Variants in TNNI3K observed in about 807,000 individuals in gnomAD.
TNNI3K encodes the protein serine/threonine-protein kinase TNNI3K.
TNNI3K carries 140 observed loss-of-function variants against 114.5 expected under a neutral mutation model. The ratio of observed to expected loss-of-function variants is 1.22; its 90% CI spans 1.07 to 1.41. TNNI3K has a LOEUF of 1.41. Among genes scored for constraint, TNNI3K ranks in the 40% most tolerant of loss-of-function variants. The probability of loss-of-function intolerance (pLI) is 0.00; values close to 1 mark genes in which losing one functional copy is unlikely to be tolerated. For missense variants in TNNI3K, 1,125 were observed against 1,007.6 expected, an observed-to-expected ratio of 1.12 and a Z score of -1.58; for synonymous variants, 347 against 347.5, an observed-to-expected ratio of 1.00 and a Z score of 0.02.
intron 5 of TNNI3K, among the ~76,000 whole-genome samples, chr1:74,323,194 A>G (rs1207470781): frequency 6.6e-6 from 1 of 152,164 alleles, no homozygotes; most frequent in Non-Finnish European, 1.5e-5. Flanking sequence ...TGTCTCCACA[A>G]TAGAACTTTC....
chr1:74,242,283 A>G (rs541909542), intron 2 of TNNI3K, among the ~76,000 whole-genome samples: 3 of 152,198 alleles, frequency 2.0e-5, no homozygotes, highest in Non-Finnish European at 4.4e-5. Context: ...TATGTACAAA[A>G]AAGTGGTCAA....
intron 17 of TNNI3K, 178 bp downstream of exon 17, chr1:74,370,570 A>G: frequency 2.3e-6 from 1 of 430,998 alleles, no homozygotes; most frequent in Non-Finnish European, 4.1e-6. Flanking sequence ...AGGAGTAGAA[A>G]GCTGTATAAC....
rs1570351199 is a variant in TNNI3K, at chr1:74,236,218, T to G, written c.149+8T>G. 6.3e-7 allele frequency: 1 copy of G among 1,597,162 alleles called. No individual in the cohort carries two copies. Among genetic ancestry groups the G allele is most frequent in the East Asian group, 2.3e-5 (1 of 44,330 alleles). On this transcript the variant is annotated splice_region_variant and intron_variant, in intron 2 of 24. Transcript: ENST00000326637. Reference sequence around the variant, plus strand: ...ACTAAGGAATATATTTGGGTAAAGTTGTAAGAGTCATTATTTCTTTGTATA... The same window carrying G: ...ACTAAGGAATATATTTGGGTAAAGTGGTAAGAGTCATTATTTCTTTGTATA...
At chr1:74,482,489 T>G (rs1314075893) in intron 21 of TNNI3K, among the ~76,000 whole-genome samples, 1 of 152,178 alleles carries the variant, frequency 6.6e-6, no homozygotes, top group Non-Finnish European at 1.5e-5. Context: ...GATATACACA[T>G]CAACTATCCA....
chr1:74,500,402 C>G (rs2100338119), intron 23 of TNNI3K, among the ~76,000 whole-genome samples: 1 of 151,464 alleles, frequency 6.6e-6, no homozygotes, highest in Non-Finnish European at 1.5e-5. Context: ...GAGATCGAGA[C>G]CATCCCGGCT....
At chr1:74,268,235 TA>T (rs1261424496) in intron 4 of TNNI3K, among the ~76,000 whole-genome samples, 3 of 151,980 alleles carry the variant, frequency 2.0e-5, no homozygotes, top group Admixed American at 6.6e-5. Flanking sequence ...AGACCTTCCC[TA>T]CTACTCTGCA....
At chr1:74,374,003 C>T (rs1296421005) in intron 17 of TNNI3K, 1 of 151,954 alleles carries the variant, frequency 6.6e-6, no homozygotes, top group African/African-American at 2.4e-5. Context: ...ATTTCCTATG[C>T]ACATCCTCTC....
intron 11 of TNNI3K, among the ~76,000 whole-genome samples, chr1:74,364,081 T>C (rs1051158186): frequency 1.5e-4 from 22 of 150,276 alleles, no homozygotes; most frequent in Middle Eastern, 3.4e-3. Flanking sequence ...CTCACTACAA[T>C]CTTAAACTCC....
intron 17 of TNNI3K, among the ~76,000 whole-genome samples, chr1:74,433,665 C>T (rs1167285685): frequency 6.6e-6 from 1 of 152,068 alleles, no homozygotes; most frequent in East Asian, 1.9e-4. Context: ...ACTGTCACTG[C>T]ATCCTTTGTT....
chr1:74,310,718 G>A (rs946352346), intron 5 of TNNI3K, among the ~76,000 whole-genome samples: 2 of 152,102 alleles, frequency 1.3e-5, no homozygotes, highest in African/African-American at 4.8e-5. Context: ...TGTCAGGTGG[G>A]TATTCCTCTT....
intron 17 of TNNI3K, among the ~76,000 whole-genome samples, chr1:74,384,318 A>G (rs1663364089): frequency 6.6e-6 from 1 of 152,130 alleles, no homozygotes; most frequent in Non-Finnish European, 1.5e-5. Flanking sequence ...GCCTGCCTAT[A>G]AAAAACAATG....
At chr1:74,489,319 A>C in intron 22 of TNNI3K, 71 bp downstream of exon 22, 1 of 1,508,624 alleles carries the variant, frequency 6.6e-7, no homozygotes, top group Non-Finnish European at 9.1e-7. Flanking sequence ...GGGAATGTAG[A>C]TGAGCTGGTG....
chr1:74,434,882 T>G (rs76752061), intron 17 of TNNI3K, among the ~76,000 whole-genome samples: 16,658 of 152,038 alleles, frequency 0.11, 1,494 homozygotes, highest in African/African-American at 0.24. Context: ...TTTTTATAAA[T>G]GTCAAGTCAA....
intron 20 of TNNI3K, among the ~76,000 whole-genome samples, chr1:74,451,633 T>C (rs1389396068): frequency 1.4e-5 from 2 of 144,756 alleles, no homozygotes; most frequent in African/African-American, 5.5e-5. Context: ...CTTCCTTTTC[T>C]TTTTCTTTCT....
rs983502598 is a variant in TNNI3K, at chr1:74,481,303, G to A, written c.2122-7886G>A. Among the ~76,000 whole-genome samples the A allele has an allele frequency of 2.0e-5, 3 of 152,176 alleles. No homozygotes were observed. In the South Asian group the frequency reaches 6.2e-4, roughly 32 times the overall value. On this transcript the variant is annotated intron_variant, in intron 21 of 24. Transcript: ENST00000326637. Reference sequence around the variant, plus strand: ...AGGTGTCTTTTCAGGCCCTCCCTCCGAGGCTATGTACTGACCTGATCTAGC... The same window carrying A: ...AGGTGTCTTTTCAGGCCCTCCCTCCAAGGCTATGTACTGACCTGATCTAGC...
At chr1:74,530,949 A>G (rs1646574883) in intron 23 of TNNI3K, among the ~76,000 whole-genome samples, 1 of 152,136 alleles carries the variant, frequency 6.6e-6, no homozygotes, top group African/African-American at 2.4e-5. Context: ...GCCATCAAGG[A>G]ATTAATACAC....
chr1:74,510,056 C>G (rs1366843283), intron 23 of TNNI3K, among the ~76,000 whole-genome samples: 1 of 152,044 alleles, frequency 6.6e-6, no homozygotes, highest in African/African-American at 2.4e-5. Flanking sequence ...CACAGATTTT[C>G]TATTGCTTGT....
intron 17 of TNNI3K, among the ~76,000 whole-genome samples, chr1:74,412,866 G>A (rs1409876704): frequency 6.6e-6 from 1 of 152,022 alleles, no homozygotes; most frequent in Non-Finnish European, 1.5e-5. Flanking sequence ...TGTTTGCCTC[G>A]GCCTCCCAAA....
At chr1:74,282,169 G>A (rs1305622572) in intron 5 of TNNI3K, among the ~76,000 whole-genome samples, 1 of 151,936 alleles carries the variant, frequency 6.6e-6, no homozygotes, top group Non-Finnish European at 1.5e-5. Flanking sequence ...GTACATTACA[G>A]TAGAGTTAGA....
Sources: allele counts gnomAD v4.1 joint callset (sites outside exome capture counted in the v4.1 genomes callset), GRCh38; gene constraint gnomAD v4.1.1; transcripts MANE v1.5; gene names NCBI Gene and HGNC (gene_info 2026-07-23, HGNC 2026-07-21).